The following STPG4 variants were observed in gnomAD, a reference collection of about 807,000 sequenced individuals.
STPG4 encodes the protein sperm-tail PG-rich repeat containing 4.
In STPG4, 41 loss-of-function variants were observed where a neutral mutation model predicts 31.5. The ratio of observed to expected loss-of-function variants is 1.30; its 90% CI spans 1.01 to 1.69. STPG4 has a LOEUF of 1.69. Ranked by LOEUF, STPG4 falls within the 40% of genes most tolerant of loss-of-function variation. STPG4 has a pLI of 0.00. For missense variants in STPG4, 375 were observed against 293.4 expected, an observed-to-expected ratio of 1.28 and a Z score of -2.03; for synonymous variants, 141 against 103.0, an observed-to-expected ratio of 1.37 and a Z score of -2.24.
rs141063502 is a variant in STPG4 at position 47,103,280 on chromosome 2, C to A, written c.520-12906G>T. On this transcript the variant is annotated intron_variant, in intron 5 of 6. Transcript: ENST00000445927. Reference sequence around the variant, plus strand: ...TCCTTCTGCCTTCCTCGAGCAGCTACGAGAGGCCTTAAGAAAATATACTCC... The same window carrying A: ...TCCTTCTGCCTTCCTCGAGCAGCTAAGAGAGGCCTTAAGAAAATATACTCC... Among the ~76,000 whole-genome samples, 774 of 152,026 alleles carry A rather than the reference C, an allele frequency of 5.1e-3. 24 individuals are homozygous for A. The highest frequency in any genetic ancestry group is 0.018 in the African/African-American group (731 of 41,334).
intron 5 of STPG4, among the ~76,000 whole-genome samples, chr2:47,121,455 T>C (rs574415542): frequency 6.6e-6 from 1 of 152,292 alleles, no homozygotes; most frequent in South Asian, 2.1e-4. Flanking sequence ...ATGAGTCGTT[T>C]TGAATCAACT....
intron 5 of STPG4, among the ~76,000 whole-genome samples, chr2:47,099,691 AG>A (rs1685749552): frequency 6.6e-6 from 1 of 152,254 alleles, no homozygotes; most frequent in Admixed American, 6.5e-5. Flanking sequence ...GGGCTGGCCA[AG>A]GCCAGAGCCG....
At chr2:47,104,139 A>G (rs35859126) in intron 5 of STPG4, among the ~76,000 whole-genome samples, 8,349 of 152,044 alleles carry the variant, frequency 0.055, 423 homozygotes, top group African/African-American at 0.11. Context: ...CCCTACTTAA[A>G]GAGGGAATCA....
chr2:47,100,092 G>A (rs1016807458), intron 5 of STPG4, among the ~76,000 whole-genome samples: 16 of 152,160 alleles, frequency 1.1e-4, no homozygotes, highest in Admixed American at 3.3e-4. Flanking sequence ...CAGTCCCATC[G>A]ACCACCCAAG....
intron 5 of STPG4, among the ~76,000 whole-genome samples, chr2:47,114,664 T>C: frequency 6.6e-6 from 1 of 152,360 alleles, no homozygotes; most frequent in African/African-American, 2.4e-5. Flanking sequence ...TGACCACTTA[T>C]AAAATTATAT....
intron 5 of STPG4, among the ~76,000 whole-genome samples, chr2:47,111,282 T>C (rs1237725669): frequency 6.6e-6 from 1 of 152,164 alleles, no homozygotes; most frequent in Non-Finnish European, 1.5e-5. Context: ...CTAATGGGAT[T>C]AATAAGTAGT....
At chr2:47,142,511 T>G (rs1686734937) in intron 3 of STPG4, among the ~76,000 whole-genome samples, 1 of 152,152 alleles carries the variant, frequency 6.6e-6, no homozygotes, top group South Asian at 2.1e-4. Context: ...AAAATGTTAG[T>G]TGGAAAAAAT....
intron 3 of STPG4, among the ~76,000 whole-genome samples, chr2:47,149,175 TG>T (rs1686888216): frequency 2.0e-5 from 3 of 152,158 alleles, no homozygotes. Flanking sequence ...TAATCCTTTG[TG>T]GGAGGTGGAG....
At chr2:47,093,892 C>T (rs143327980) in intron 5 of STPG4, among the ~76,000 whole-genome samples, 24 of 152,306 alleles carry the variant, frequency 1.6e-4, no homozygotes, top group Non-Finnish European at 3.1e-4. Context: ...TGCTCATGGC[C>T]GGGCCCTGCA....
At chr2:47,107,811 C>T (rs540260871) in intron 5 of STPG4, among the ~76,000 whole-genome samples, 76 of 152,130 alleles carry the variant, frequency 5.0e-4, no homozygotes, top group African/African-American at 1.7e-3. Flanking sequence ...AATCAGCACT[C>T]TATCTAGCTC....
chr2:47,090,401 A>C, intron 5 of STPG4, 27 bp from the exon 6 acceptor site: 1 of 1,385,978 alleles, frequency 7.2e-7, no homozygotes, highest in South Asian at 1.2e-5. Flanking sequence ...AAATTGCTTC[A>C]TTATTATTGT....
Position 47,111,166 on chromosome 2 carries a change from G to C in STPG4, c.519+18775C>G, listed in dbSNP as rs1573164891. 2.0e-5 allele frequency among the ~76,000 whole-genome samples: 3 copies of C among 152,274 alleles called. No homozygotes were observed. The East Asian group carries it at 5.8e-4, about 29-fold the overall frequency. ...TTAATGTATACTCCCACCAGCAATAGACAAGAAAAGCACTGAGTCTGTATA... is the reference window on the plus strand; with the variant it reads ...TTAATGTATACTCCCACCAGCAATACACAAGAAAAGCACTGAGTCTGTATA... On this transcript the variant is annotated intron_variant, in intron 5 of 6. Coordinates refer to ENST00000445927, the MANE Select transcript of STPG4 (RefSeq NM_001163561.2).
At chr2:47,131,006 A>G (rs1269688945) in intron 3 of STPG4, among the ~76,000 whole-genome samples, 1 of 148,692 alleles carries the variant, frequency 6.7e-6, no homozygotes, top group Non-Finnish European at 1.5e-5. Context: ...TAGAGACAGG[A>G]TCTCACTATG....
At chr2:47,141,690 C>G (rs1434471967) in intron 3 of STPG4, among the ~76,000 whole-genome samples, 1 of 151,978 alleles carries the variant, frequency 6.6e-6, no homozygotes, top group African/African-American at 2.4e-5. Flanking sequence ...ACATTTAACT[C>G]TTGGGTTCTC....
chr2:47,105,321 A>C (rs912881937), intron 5 of STPG4, among the ~76,000 whole-genome samples: 14 of 151,974 alleles, frequency 9.2e-5, no homozygotes, highest in African/African-American at 3.2e-4. Context: ...TCTTAGTGTC[A>C]GAGGCTATCA....
intron 5 of STPG4, among the ~76,000 whole-genome samples, chr2:47,100,204 G>C (rs1685765872): frequency 6.6e-6 from 1 of 152,076 alleles, no homozygotes; most frequent in Non-Finnish European, 1.5e-5. Flanking sequence ...CCTGAGTCTG[G>C]TGGGGACGTG....
intron 5 of STPG4, among the ~76,000 whole-genome samples, chr2:47,111,009 T>C (rs1477330384): frequency 6.6e-6 from 1 of 152,228 alleles, no homozygotes; most frequent in Non-Finnish European, 1.5e-5. Context: ...CTTGATCATA[T>C]CTTTGTATAG....
intron 5 of STPG4, among the ~76,000 whole-genome samples, chr2:47,113,623 A>G (rs1251739350): frequency 6.6e-6 from 1 of 152,260 alleles, no homozygotes; most frequent in Non-Finnish European, 1.5e-5. Context: ...ACGATAAACA[A>G]GACATACAAA....
intron 6 of STPG4, among the ~76,000 whole-genome samples, chr2:47,089,927 T>G (rs965887466): frequency 3.9e-5 from 6 of 152,182 alleles, no homozygotes; most frequent in Admixed American, 1.3e-4. Flanking sequence ...GAACAGCCAT[T>G]CTGGCTGGCA....
Sources: allele counts gnomAD v4.1 joint callset (sites outside exome capture counted in the v4.1 genomes callset), GRCh38; gene constraint gnomAD v4.1.1; transcripts MANE v1.5; gene names NCBI Gene and HGNC (gene_info 2026-07-23, HGNC 2026-07-21).